CHST11: variants seen among roughly 807,000 people sequenced by gnomAD.
CHST11 encodes the protein carbohydrate sulfotransferase 11, also known as C4S-1.
In CHST11, 9 loss-of-function variants were observed where a neutral mutation model predicts 30.4. The ratio of observed to expected loss-of-function variants is 0.30; its 90% CI spans 0.18 to 0.52. The LOEUF is 0.52. Ranked by LOEUF, CHST11 falls within the 20% of genes least tolerant of loss-of-function variation. The pLI, the probability that CHST11 is intolerant of heterozygous loss-of-function variation, is 0.97. For synonymous variants in CHST11, 152 were observed against 187.8 expected, an observed-to-expected ratio of 0.81 and a Z score of 1.56; for missense variants, 348 against 460.6, an observed-to-expected ratio of 0.76 and a Z score of 2.24.
intron 1 of CHST11, among the ~76,000 whole-genome samples, chr12:104,571,342 T>C (rs1277646142): frequency 6.6e-6 from 1 of 152,054 alleles, no homozygotes; most frequent in African/African-American, 2.4e-5. Context: ...TTTGTATTTT[T>C]AGTAGAGATG....
chr12:104,672,409 G>A (rs2136096486), intron 2 of CHST11, among the ~76,000 whole-genome samples: 1 of 152,344 alleles, frequency 6.6e-6, no homozygotes, highest in African/African-American at 2.4e-5. Flanking sequence ...AGAATAAAGA[G>A]ACCATTGCTT....
intron 2 of CHST11, among the ~76,000 whole-genome samples, chr12:104,659,675 A>T (rs1024764825): frequency 8.5e-5 from 13 of 152,324 alleles, no homozygotes; most frequent in African/African-American, 3.1e-4. Context: ...TATTATTAAC[A>T]TTAATTATGG....
At chr12:104,656,751 G>T (rs900020254) in intron 2 of CHST11, among the ~76,000 whole-genome samples, 1 of 152,176 alleles carries the variant, frequency 6.6e-6, no homozygotes, top group African/African-American at 2.4e-5. Flanking sequence ...CACAGTGGGG[G>T]GTTGCTGGTT....
At position 104,698,738 on chromosome 12, in the gene CHST11, A is replaced by C. The variant is rs372313481; in HGVS notation, c.205-58211A>C. Among the ~76,000 whole-genome samples, 7 of 152,348 alleles carry C rather than the reference A, an allele frequency of 4.6e-5. No individual in the cohort carries two copies. In the East Asian group the frequency reaches 1.2e-3, roughly 25 times the overall value. ...TGGAGACATGATTGAAGGTTTGTTT[A>C]ATCTTGAGAAGATAAATTAGTATTT... On this transcript the variant is annotated intron_variant, in intron 2 of 2. Transcript: ENST00000303694.
At chr12:104,731,456 C>G (rs776476622) in intron 2 of CHST11, among the ~76,000 whole-genome samples, 3 of 152,164 alleles carry the variant, frequency 2.0e-5, no homozygotes, top group Admixed American at 6.5e-5. Flanking sequence ...GAAAACAGAC[C>G]TGAAAGGCTT....
chr12:104,524,509 G>A (rs758543194), intron 1 of CHST11, among the ~76,000 whole-genome samples: 2 of 152,086 alleles, frequency 1.3e-5, no homozygotes, highest in Non-Finnish European at 2.9e-5. Flanking sequence ...TTAACCATTG[G>A]TATAAGCATC....
rs913102804 is a variant in CHST11, at chr12:104,729,926, C to T, written c.205-27023C>T. ...TGCGTGTCTGGCTGCTGGTTGGTGT[C>T]GGGGTGGTTTTGCACTTTCTGTTTC... On this transcript the variant is annotated intron_variant, in intron 2 of 2. Coordinates refer to ENST00000303694, the MANE Select transcript of CHST11 (RefSeq NM_018413.6). This position sits in a 1 kb window ranked among gnomAD's most constrained non-coding sequence, Gnocchi z 4.0. Among the ~76,000 whole-genome samples, 3 of 152,142 alleles carry T rather than the reference C, an allele frequency of 2.0e-5. No homozygotes were observed. Among genetic ancestry groups the T allele is most frequent in the African/African-American group, 4.8e-5 (2 of 41,428 alleles).
chr12:104,663,062 G>A (rs2039611282), intron 2 of CHST11, among the ~76,000 whole-genome samples: 2 of 152,198 alleles, frequency 1.3e-5, no homozygotes, highest in Non-Finnish European at 2.9e-5. Context: ...TGTTCCCCTA[G>A]AAAAATGGGG....
At chr12:104,739,537 G>A (rs1056173086) in intron 2 of CHST11, among the ~76,000 whole-genome samples, 7 of 152,188 alleles carry the variant, frequency 4.6e-5, no homozygotes, top group African/African-American at 1.7e-4. Flanking sequence ...TACTAGAGCC[G>A]GATTTTAAGC....
chr12:104,666,103 C>T (rs1013094791), intron 2 of CHST11, among the ~76,000 whole-genome samples: 3 of 152,064 alleles, frequency 2.0e-5, no homozygotes, highest in African/African-American at 4.8e-5. Context: ...CAGGTGTGAG[C>T]CACCGCACCC....
chr12:104,574,366 T>C (rs2038661081), intron 1 of CHST11, among the ~76,000 whole-genome samples: 2 of 152,310 alleles, frequency 1.3e-5, no homozygotes, highest in South Asian at 2.1e-4. Context: ...ACTGGGTATA[T>C]ACCCAAAGGA....
intron 1 of CHST11, among the ~76,000 whole-genome samples, chr12:104,582,402 G>T (rs2038754860): frequency 6.6e-6 from 1 of 152,164 alleles, no homozygotes; most frequent in Non-Finnish European, 1.5e-5. Context: ...GCGTGTGTTT[G>T]TGCTTGAAGA....
chr12:104,574,876 G>A (rs834723), intron 1 of CHST11, among the ~76,000 whole-genome samples: 111,057 of 149,282 alleles, frequency 0.74, 41,466 homozygotes, highest in East Asian at 0.92. Flanking sequence ...AAGAAAAAAA[G>A]AAAGAAAAAG....
intron 2 of CHST11, among the ~76,000 whole-genome samples, chr12:104,708,110 G>A (rs1266995780): frequency 1.3e-5 from 2 of 152,234 alleles, no homozygotes; most frequent in Non-Finnish European, 2.9e-5. Flanking sequence ...GCCATGTTCA[G>A]ATGTGCACCC....
chr12:104,532,069 G>A (rs761283976), intron 1 of CHST11, among the ~76,000 whole-genome samples: 2 of 152,214 alleles, frequency 1.3e-5, no homozygotes, highest in African/African-American at 4.8e-5. Flanking sequence ...CCCACATCAT[G>A]TGTTGGTCTC....
intron 2 of CHST11, among the ~76,000 whole-genome samples, chr12:104,671,475 C>G (rs1417488466): frequency 6.6e-6 from 1 of 152,140 alleles, no homozygotes; most frequent in Non-Finnish European, 1.5e-5. Flanking sequence ...ATTACTGTTA[C>G]CAGCGCGATC....
chr12:104,687,440 TATCTC>T (rs2039856550), intron 2 of CHST11, among the ~76,000 whole-genome samples: 1 of 152,236 alleles, frequency 6.6e-6, no homozygotes, highest in African/African-American at 2.4e-5. Context: ...TTACCTGAGT[TATCTC>T]ATCTCACCGT....
At chr12:104,745,199 A>AT (rs1424329571) in intron 2 of CHST11, among the ~76,000 whole-genome samples, 1 of 152,162 alleles carries the variant, frequency 6.6e-6, no homozygotes, top group Non-Finnish European at 1.5e-5. Flanking sequence ...TGAATAGGGA[A>AT]TCCTTTCCTC....
chr12:104,588,764 C>T (rs2038829878), intron 1 of CHST11: 2 of 152,552 alleles, frequency 1.3e-5, no homozygotes, highest in African/African-American at 4.8e-5. Flanking sequence ...ACCTGCTCAC[C>T]AGCAGCCTCT....
Sources: gnomAD v4.1 joint callset for allele counts (sites outside exome capture counted in the v4.1 genomes callset) on GRCh38, gnomAD v4.1.1 for gene constraint, Gnocchi (gnomAD v3.1) non-coding constraint, MANE v1.5 for transcripts, NCBI Gene and HGNC (gene_info 2026-07-23, HGNC 2026-07-21) for gene names.